The following ZNF804B variants were observed in gnomAD, a reference collection of about 807,000 sequenced individuals.
ZNF804B encodes the protein zinc finger protein 804B.
ZNF804B carries 80 observed loss-of-function variants against 101.4 expected under a neutral mutation model. The ratio of observed to expected loss-of-function variants is 0.79; its 90% CI spans 0.66 to 0.95. The LOEUF (loss-of-function observed/expected upper bound fraction) is 0.95, where lower values mean the gene tolerates loss of function less well. ZNF804B is among the 40% of genes least tolerant of loss of function. The pLI is 0.00. For synonymous variants in ZNF804B, 622 were observed against 558.8 expected, an observed-to-expected ratio of 1.11 and a Z score of -1.59; for missense variants, 1,673 against 1,561.9, an observed-to-expected ratio of 1.07 and a Z score of -1.20.
chr7:88,921,363 G>A (rs919691749), intron 1 of ZNF804B, among the ~76,000 whole-genome samples: 9 of 152,050 alleles, frequency 5.9e-5, no homozygotes, highest in African/African-American at 1.4e-4. Flanking sequence ...AGGAGCTCCC[G>A]AGGTCCGTCC....
chr7:89,062,725 G>A (rs944472993), intron 1 of ZNF804B, among the ~76,000 whole-genome samples: 1 of 152,034 alleles, frequency 6.6e-6, no homozygotes, highest in African/African-American at 2.4e-5. Flanking sequence ...CCTATTGAGT[G>A]GACCCAGTCA....
In ZNF804B at chr7:88,792,928, T is replaced by C. The variant is rs567863444; in HGVS notation, c.108+32844T>C. 4.6e-5 allele frequency among the ~76,000 whole-genome samples: 7 copies of C among 152,226 alleles called. No homozygotes were observed. In the South Asian group the frequency reaches 1.5e-3, roughly 32 times the overall value. ...ATGCATATCATTTTTGTTTATTATA[T>C]ACATTTTGTTTGTTACATACAATTT... On this transcript the variant is annotated intron_variant, in intron 1 of 3. Coordinates refer to ENST00000333190, the MANE Select transcript of ZNF804B (RefSeq NM_181646.5).
chr7:88,781,108 A>G (rs1790219225), intron 1 of ZNF804B, among the ~76,000 whole-genome samples: 1 of 152,234 alleles, frequency 6.6e-6, no homozygotes, highest in Non-Finnish European at 1.5e-5. Context: ...TTAGAATTTG[A>G]GTTCTTTAAA....
intron 1 of ZNF804B, among the ~76,000 whole-genome samples, chr7:88,932,044 G>A (rs1049539731): frequency 1.3e-5 from 2 of 151,578 alleles, no homozygotes; most frequent in Admixed American, 1.3e-4. Context: ...GCATATAAAT[G>A]CATCTAATGT....
chr7:89,007,583 TA>T (rs1246818399), intron 1 of ZNF804B, among the ~76,000 whole-genome samples: 3 of 117,232 alleles, frequency 2.6e-5, no homozygotes, highest in Non-Finnish European at 3.5e-5. Context: ...ATATAATATA[TA>T]TTTATATATT....
At chr7:88,861,057 C>G (rs1033678463) in intron 1 of ZNF804B, among the ~76,000 whole-genome samples, 1 of 152,158 alleles carries the variant, frequency 6.6e-6, no homozygotes, top group African/African-American at 2.4e-5. Context: ...TTAGTCTTTA[C>G]CTCATCTACA....
chr7:89,111,733 A>T (rs1790221287), intron 1 of ZNF804B, among the ~76,000 whole-genome samples: 1 of 152,132 alleles, frequency 6.6e-6, no homozygotes, highest in African/African-American at 2.4e-5. Flanking sequence ...CAACTTATTA[A>T]TTTTTTCTTT....
intron 1 of ZNF804B, among the ~76,000 whole-genome samples, chr7:89,023,844 A>G (rs1002369844): frequency 6.6e-6 from 1 of 152,150 alleles, no homozygotes; most frequent in African/African-American, 2.4e-5. Context: ...ACTGAAGCAC[A>G]ACATCACTCT....
intron 1 of ZNF804B, among the ~76,000 whole-genome samples, chr7:89,097,513 C>T (rs903785233): frequency 4.6e-5 from 7 of 151,930 alleles, no homozygotes; most frequent in East Asian, 1.9e-4. Flanking sequence ...AATTTAAGAG[C>T]GAAGAACCAA....
intron 1 of ZNF804B, among the ~76,000 whole-genome samples, chr7:88,917,190 A>C (rs1362008705): frequency 6.6e-6 from 1 of 151,964 alleles, no homozygotes; most frequent in Non-Finnish European, 1.5e-5. Context: ...GCTAGAACCC[A>C]GGAGGCGGAG....
At chr7:88,813,423 T>TAAAAAAAA (rs11431380) in intron 1 of ZNF804B, among the ~76,000 whole-genome samples, 4 of 135,694 alleles carry the variant, frequency 2.9e-5, no homozygotes, top group East Asian at 4.2e-4. Context: ...AGACTCCATC[T>TAAAAAAAA]AAAAAAAAAA....
intron 1 of ZNF804B, among the ~76,000 whole-genome samples, chr7:89,023,406 C>T (rs1212429735): frequency 6.6e-6 from 1 of 152,146 alleles, no homozygotes; most frequent in African/African-American, 2.4e-5. Flanking sequence ...GATTAACATT[C>T]TCCTACTTCT....
At chr7:89,080,689 C>T (rs1789683306) in intron 1 of ZNF804B, among the ~76,000 whole-genome samples, 1 of 151,924 alleles carries the variant, frequency 6.6e-6, no homozygotes, top group Non-Finnish European at 1.5e-5. Context: ...ACATAGTGAA[C>T]TATTCAGTTC....
intron 1 of ZNF804B, among the ~76,000 whole-genome samples, chr7:88,964,327 T>C (rs1458172245): frequency 1.3e-5 from 2 of 151,522 alleles, no homozygotes; most frequent in African/African-American, 4.8e-5. Flanking sequence ...GGTATATACA[T>C]ACAATGAAAT....
chr7:89,053,405 G>T (rs920186289), intron 1 of ZNF804B, among the ~76,000 whole-genome samples: 4 of 151,882 alleles, frequency 2.6e-5, no homozygotes, highest in Non-Finnish European at 5.9e-5. Context: ...ATACATAATG[G>T]CAATTTACAC....
chr7:88,838,428 T>C (rs959785201), intron 1 of ZNF804B, among the ~76,000 whole-genome samples: 1 of 151,956 alleles, frequency 6.6e-6, no homozygotes, highest in Non-Finnish European at 1.5e-5. Flanking sequence ...TTCAATATTT[T>C]AGAGTAGAAC....
intron 2 of ZNF804B, among the ~76,000 whole-genome samples, chr7:89,225,933 A>T (rs986693123): frequency 6.6e-6 from 1 of 152,184 alleles, no homozygotes; most frequent in Non-Finnish European, 1.5e-5. Context: ...TGATGAGATA[A>T]GCGTTCAAGA....
chr7:88,866,938 C>T (rs1046217390), intron 1 of ZNF804B, among the ~76,000 whole-genome samples: 1 of 152,110 alleles, frequency 6.6e-6, no homozygotes, highest in Non-Finnish European at 1.5e-5. Context: ...TACAAGAGTC[C>T]ACCAAGTGTT....
chr7:88,827,496 G>A (rs879496857), intron 1 of ZNF804B, among the ~76,000 whole-genome samples: 6 of 151,698 alleles, frequency 4.0e-5, no homozygotes, highest in Admixed American at 2.0e-4. Flanking sequence ...GTTAATGTTC[G>A]TTTTTATGCT....
Sources: allele counts gnomAD v4.1 joint callset (sites outside exome capture counted in the v4.1 genomes callset), GRCh38; gene constraint gnomAD v4.1.1; transcripts MANE v1.5; gene names NCBI Gene and HGNC (gene_info 2026-07-23, HGNC 2026-07-21).